Variants in SS18 observed in about 807,000 individuals in gnomAD.
SS18 encodes the protein protein SSXT.
Under a neutral mutation model 72.5 loss-of-function variants are expected in SS18, and 28 were observed. The observed-to-expected ratio is 0.39, with a 90% CI of 0.29 to 0.53. SS18 has a LOEUF of 0.53. SS18 is among the 20% of genes least tolerant of loss of function. The pLI is 0.76. For synonymous variants in SS18, 172 were observed against 164.2 expected (o/e 1.05, Z -0.37); for missense variants, 518 against 535.3 (o/e 0.97, Z 0.32).
At chr18:26,037,942 A>C (rs2053653026) in intron 7 of SS18, among the ~76,000 whole-genome samples, 1 of 152,016 alleles carries the variant, frequency 6.6e-6, no homozygotes, top group Non-Finnish European at 1.5e-5. Context: ...CACTTTCTAC[A>C]AAAAAACAAA....
Position 26,035,434 on chromosome 18 carries a change from A to T in SS18, c.974-307T>A. On this transcript the variant is annotated intron_variant, in intron 8 of 10. Coordinates refer to ENST00000415083, the MANE Select transcript of SS18 (RefSeq NM_001007559.3). This position sits in a 1 kb window ranked among gnomAD's most constrained non-coding sequence, Gnocchi z 4.4. ...TGCTAAATAAAATAAAAAAGACAAA[A>T]TTAAAGACAGCTACAAGAGCACACA... 1 of 323,450 alleles carries T rather than the reference A, an allele frequency of 3.1e-6. No individual in the cohort carries two copies. The highest frequency in any genetic ancestry group is 6.0e-5 in the East Asian group (1 of 16,572). The allele number at this position is 323,450 out of a possible 1,614,324, so 20.0% of individuals were successfully genotyped here. A position where few individuals can be genotyped will look rare whatever the true frequency, so the allele number is the denominator to read the frequency against.
At chr18:26,047,608 A>G (rs145716109) in intron 5 of SS18, among the ~76,000 whole-genome samples, 3,883 of 152,118 alleles carry the variant, frequency 0.026, 85 homozygotes, top group Non-Finnish European at 0.039. Flanking sequence ...TTGGGAGGCC[A>G]AGGCGGGCAG....
intron 3 of SS18, among the ~76,000 whole-genome samples, chr18:26,066,600 G>GCGCGCACACACACACA (rs148515889): frequency 1.0e-3 from 150 of 144,426 alleles, no homozygotes; most frequent in Non-Finnish European, 9.8e-4. Flanking sequence ...GGAAATTTGT[G>GCGCGCACACACACACA]CACACACACA....
At position 26,035,680 on chromosome 18, in the gene SS18, TTTGA is replaced by T; in HGVS notation, c.973+147_973+150del. The stretch of plus-strand genomic sequence containing the variant: ...TTTTAAATATTTGTAAGGAAATTAT[TTTGA>T]TTGTTTTGGGCTCCCTGCAACTTTC... On this transcript the variant is annotated intron_variant, in intron 8 of 10. Transcript: ENST00000415083. The surrounding 1 kb of genome is among the most constrained non-coding windows in gnomAD (Gnocchi z 4.4). 1 of 430,624 alleles carries T rather than the reference TTTGA, an allele frequency of 2.3e-6. No individual in the cohort carries two copies. The highest frequency in any genetic ancestry group is 2.0e-5 in the African/African-American group (1 of 49,090). The allele number at this position is 430,624 out of a possible 1,614,324, so 26.7% of individuals were successfully genotyped here.
intron 5 of SS18, among the ~76,000 whole-genome samples, chr18:26,042,685 A>C (rs1160375215): frequency 6.6e-6 from 1 of 152,010 alleles, no homozygotes; most frequent in African/African-American, 2.4e-5. Context: ...CAAGGATCAA[A>C]TTTATTGAGT....
Position 26,035,844 on chromosome 18 carries a change from A to G in SS18, c.960T>C (p.His320=). Residue 320 remains histidine (H), a synonymous_variant, in exon 8 of 11, where the codon CAT becomes CAC. Coordinates refer to ENST00000415083, the MANE Select transcript of SS18 (RefSeq NM_001007559.3). This position sits in a 1 kb window ranked among gnomAD's most constrained non-coding sequence, Gnocchi z 4.4. ...YDRPYEDSSQ[H]YYEGGNSQYG... ...GTATATAGATACCTCCTTCGTAGTA[A>G]TGTTGTGAGGAATCCTCATAAGGCC... is the stretch of plus-strand genomic sequence containing the variant. 1 of 1,598,944 alleles carries G rather than the reference A, an allele frequency of 6.3e-7. No homozygotes were observed. Among genetic ancestry groups the G allele is most frequent in the Non-Finnish European group, 8.5e-7 (1 of 1,170,656 alleles).
At chr18:26,084,828 C>T (rs2054589353) in intron 2 of SS18, among the ~76,000 whole-genome samples, 1 of 152,136 alleles carries the variant, frequency 6.6e-6, no homozygotes, top group South Asian at 2.1e-4. Context: ...AAATACAACA[C>T]CAGATCCTGT....
At chr18:26,088,052 T>C (rs768310696) in intron 1 of SS18, among the ~76,000 whole-genome samples, 2 of 152,178 alleles carry the variant, frequency 1.3e-5, no homozygotes, top group African/African-American at 4.8e-5. Flanking sequence ...TTTTAATATA[T>C]ATGACAGCTC....
intron 5 of SS18, among the ~76,000 whole-genome samples, chr18:26,044,857 T>C (rs942099523): frequency 1.3e-5 from 2 of 152,130 alleles, no homozygotes; most frequent in Admixed American, 6.5e-5. Flanking sequence ...ACAGTCCCAA[T>C]AAAAACTCTG....
intron 4 of SS18, among the ~76,000 whole-genome samples, chr18:26,055,757 T>G (rs2054007862): frequency 6.9e-6 from 1 of 145,600 alleles, no homozygotes; most frequent in Non-Finnish European, 1.5e-5. Flanking sequence ...TTCTGTTTTT[T>G]TTTTTTTTGT....
At chr18:26,050,278 C>A (rs1394067186) in intron 5 of SS18, among the ~76,000 whole-genome samples, 1 of 151,292 alleles carries the variant, frequency 6.6e-6, no homozygotes, top group Non-Finnish European at 1.5e-5. Flanking sequence ...CACCTGGAAG[C>A]AATAGACCCT....
At chr18:26,046,191 C>CAAAAAA (rs760639087) in intron 5 of SS18, among the ~76,000 whole-genome samples, 5 of 45,002 alleles carry the variant, frequency 1.1e-4, no homozygotes, top group South Asian at 8.1e-4. Flanking sequence ...GACTCCGTCT[C>CAAAAAA]AAAAAAAAAA....
At chr18:26,074,367 A>C (rs2054371272) in intron 3 of SS18, among the ~76,000 whole-genome samples, 1 of 151,818 alleles carries the variant, frequency 6.6e-6, no homozygotes, top group African/African-American at 2.4e-5. Context: ...GGTTATCCCC[A>C]AAAATCTGAA....
intron 5 of SS18, among the ~76,000 whole-genome samples, chr18:26,049,538 G>A (rs374879329): frequency 1.3e-5 from 2 of 151,938 alleles, no homozygotes; most frequent in African/African-American, 2.4e-5. Context: ...TTTTAGAGAC[G>A]GTCTTGCTCT....
At chr18:26,027,178 T>C (rs1486652561) in intron 10 of SS18, among the ~76,000 whole-genome samples, 1 of 152,180 alleles carries the variant, frequency 6.6e-6, no homozygotes. Flanking sequence ...TAATACTACC[T>C]GATTATAAAA....
intron 2 of SS18, chr18:26,082,545 A>T (rs1221612149): frequency 2.0e-6 from 2 of 981,718 alleles, no homozygotes. Flanking sequence ...TGCAAAAAAT[A>T]AGAAATGATT....
At chr18:26,027,239 G>A (rs1421572743) in intron 10 of SS18, among the ~76,000 whole-genome samples, 1 of 152,118 alleles carries the variant, frequency 6.6e-6, no homozygotes, top group Non-Finnish European at 1.5e-5. Context: ...AAGACAGTGT[G>A]GTACTGGCAT....
intron 5 of SS18, among the ~76,000 whole-genome samples, chr18:26,051,407 T>C (rs2053921341): frequency 6.6e-6 from 1 of 152,226 alleles, no homozygotes; most frequent in South Asian, 2.1e-4. Context: ...ATTATTTTTT[T>C]CTTCGAATCT....
chr18:26,020,063 A>C (rs1429335636), intron 10 of SS18, among the ~76,000 whole-genome samples: 1 of 152,204 alleles, frequency 6.6e-6, no homozygotes, highest in East Asian at 1.9e-4. Context: ...TGTGTTTAAA[A>C]TAAACATAAT....
Sources: gnomAD v4.1 joint callset for allele counts (sites outside exome capture counted in the v4.1 genomes callset) on GRCh38, gnomAD v4.1.1 for gene constraint, Gnocchi (gnomAD v3.1) non-coding constraint, MANE v1.5 for transcripts, NCBI Gene and HGNC (gene_info 2026-07-23, HGNC 2026-07-21) for gene names.